The following BMPR1B variants were observed in gnomAD, a reference collection of about 807,000 sequenced individuals.
BMPR1B encodes bone morphogenetic protein receptor type 1B, also known as bone morphogenetic protein receptor type-1B.
In BMPR1B, 12 loss-of-function variants were observed where a neutral mutation model predicts 59.1. The observed-to-expected ratio is 0.20, with a 90% CI of 0.13 to 0.33. The LOEUF (loss-of-function observed/expected upper bound fraction) is 0.33. BMPR1B is among the 10% of genes least tolerant of loss of function. The pLI is 1.00. For synonymous variants in BMPR1B, 237 were observed against 207.3 expected, an observed-to-expected ratio of 1.14 and a Z score of -1.23; for missense variants, 550 against 610.9, an observed-to-expected ratio of 0.90 and a Z score of 1.05.
In BMPR1B at chr4:95,152,756, C is replaced by T. The variant is rs780280883; in HGVS notation, c.1366C>T (p.Arg456Trp). 161 of 1,611,746 alleles carry T rather than the reference C, an allele frequency of 1.0e-4. No individual in the cohort carries two copies. Among genetic ancestry groups the T allele is most frequent in the South Asian group, 3.4e-4 (31 of 90,346 alleles). ...IKKLRPSFPN[R>W]WSSDECLRQM... ...GAAGTTACGCCCCTCATTCCCAAAC[C>T]GGTGGAGCAGTGATGAGGTAAGGCT... is the stretch of plus-strand genomic sequence containing the variant. Residue 456 changes from arginine to tryptophan, a missense_variant, in exon 12 of 13, where the codon CGG (arginine) becomes TGG (tryptophan). Arg to Trp is a moderately radical substitution (Grantham distance 101). Around this residue, in one of 6 missense-constraint regions of BMPR1B, gnomAD observed 123 missense variants for 164.6 expected, o/e 0.75. Transcript: ENST00000515059.
rs543984616 is a variant in BMPR1B, at chr4:95,040,144, C to T, written c.-18+44010C>T. The stretch of plus-strand genomic sequence containing the variant: ...TGGTATACAAGAACAAAATTTTTCT[C>T]TACTATTAGTATCTTCTCTTCTAAG... On this transcript the variant is annotated intron_variant, in intron 3 of 12. Transcript: ENST00000515059. Among the ~76,000 whole-genome samples the T allele has an allele frequency of 2.6e-5, 4 of 152,150 alleles. No individual in the cohort carries two copies. The East Asian group carries it at 5.8e-4, about 22-fold the overall frequency.
intron 3 of BMPR1B, among the ~76,000 whole-genome samples, chr4:95,017,052 T>A (rs1355893132): frequency 6.6e-6 from 1 of 152,212 alleles, no homozygotes; most frequent in Non-Finnish European, 1.5e-5. Context: ...TTGTTTTTCC[T>A]TCTATGAGTG....
chr4:94,836,628 G>C (rs1178802211), intron 1 of BMPR1B, among the ~76,000 whole-genome samples: 1 of 146,288 alleles, frequency 6.8e-6, no homozygotes, highest in Non-Finnish European at 1.5e-5. Context: ...TTGTAAATTT[G>C]TTTGAGTTCA....
chr4:95,034,703 A>G (rs1345308454), intron 3 of BMPR1B, among the ~76,000 whole-genome samples: 2 of 151,658 alleles, frequency 1.3e-5, no homozygotes, highest in African/African-American at 4.8e-5. Flanking sequence ...CTGGTTTTAT[A>G]TTTTTGCAAC....
chr4:94,766,971 C>T (rs1221188972), intron 1 of BMPR1B, among the ~76,000 whole-genome samples: 3 of 151,984 alleles, frequency 2.0e-5, no homozygotes, highest in South Asian at 4.1e-4. Flanking sequence ...TAAGTATTCT[C>T]GGAAATTGGA....
chr4:95,131,156 T>A, intron 9 of BMPR1B, 59 bp from the exon 10 acceptor site: 1 of 1,502,022 alleles, frequency 6.7e-7, no homozygotes, highest in Non-Finnish European at 9.2e-7. Flanking sequence ...TTTGAGAATA[T>A]GAATTATTCC....
intron 1 of BMPR1B, among the ~76,000 whole-genome samples, chr4:94,854,539 T>G (rs569454642): frequency 1.3e-5 from 2 of 152,176 alleles, no homozygotes; most frequent in South Asian, 2.1e-4. Context: ...TGTTGCCTTC[T>G]TGGAATTCAG....
intron 2 of BMPR1B, among the ~76,000 whole-genome samples, chr4:94,915,256 A>T (rs966768285): frequency 2.6e-5 from 4 of 151,938 alleles, no homozygotes; most frequent in Admixed American, 2.6e-4. Context: ...CTGCCCTTAC[A>T]TTTTTTTCTT....
At chr4:95,039,620 C>G (rs550300550) in intron 3 of BMPR1B, among the ~76,000 whole-genome samples, 1 of 152,172 alleles carries the variant, frequency 6.6e-6, no homozygotes, top group Admixed American at 6.5e-5. Flanking sequence ...AGGGAAGATA[C>G]GGAAATATGT....
At chr4:95,034,618 T>C (rs1488685693) in intron 3 of BMPR1B, among the ~76,000 whole-genome samples, 6 of 150,938 alleles carry the variant, frequency 4.0e-5, no homozygotes, top group Non-Finnish European at 8.8e-5. Flanking sequence ...TTCATTTTTT[T>C]ATGGCTTAGT....
chr4:94,765,244 T>C (rs996953856), intron 1 of BMPR1B, among the ~76,000 whole-genome samples: 10 of 152,220 alleles, frequency 6.6e-5, no homozygotes, highest in Non-Finnish European at 1.5e-4. Context: ...TATGTGTGTG[T>C]GTATCCCTTA....
intron 2 of BMPR1B, among the ~76,000 whole-genome samples, chr4:94,915,406 G>C (rs996267462): frequency 2.0e-5 from 3 of 152,094 alleles, no homozygotes; most frequent in East Asian, 1.9e-4. Flanking sequence ...CACTCTCTCT[G>C]AACCAATTCT....
intron 1 of BMPR1B, among the ~76,000 whole-genome samples, chr4:94,796,784 A>G (rs909199507): frequency 5.3e-5 from 8 of 152,196 alleles, no homozygotes; most frequent in Admixed American, 1.3e-4. Context: ...ATGTCATTCA[A>G]AATTGTTGTG....
intron 2 of BMPR1B, among the ~76,000 whole-genome samples, chr4:94,887,035 G>A (rs1727195520): frequency 1.3e-5 from 2 of 152,006 alleles, no homozygotes; most frequent in South Asian, 4.1e-4. Flanking sequence ...TCAGGGAGGG[G>A]ATAAAAGGTA....
chr4:94,980,146 T>C (rs1276117453), intron 2 of BMPR1B, among the ~76,000 whole-genome samples: 1 of 152,196 alleles, frequency 6.6e-6, no homozygotes, highest in Non-Finnish European at 1.5e-5. Context: ...CTGCAATTAT[T>C]ACTGTACCTA....
At chr4:94,832,782 C>CA (rs528939227) in intron 1 of BMPR1B, among the ~76,000 whole-genome samples, 96 of 150,844 alleles carry the variant, frequency 6.4e-4, no homozygotes, top group Admixed American at 1.4e-3. Context: ...TGCTCCGTCT[C>CA]AAAAAAAATA....
intron 3 of BMPR1B, among the ~76,000 whole-genome samples, chr4:95,031,441 G>T (rs1724847252): frequency 6.6e-6 from 1 of 152,044 alleles, no homozygotes; most frequent in African/African-American, 2.4e-5. Flanking sequence ...GAATATTATG[G>T]ATGGATTGCA....
At chr4:94,889,880 T>G (rs1727321305) in intron 2 of BMPR1B, among the ~76,000 whole-genome samples, 1 of 151,968 alleles carries the variant, frequency 6.6e-6, no homozygotes, top group Admixed American at 6.6e-5. Flanking sequence ...ACACCAAATT[T>G]GTCTGTAGCT....
At chr4:94,914,945 C>T (rs1259559634) in intron 2 of BMPR1B, among the ~76,000 whole-genome samples, 1 of 152,082 alleles carries the variant, frequency 6.6e-6, no homozygotes, top group East Asian at 1.9e-4. Flanking sequence ...ATATGAAACT[C>T]ACTTGTTATG....
Sources: gnomAD v4.1 joint callset for allele counts (sites outside exome capture counted in the v4.1 genomes callset) on GRCh38, gnomAD v4.1.1 for gene constraint, gnomAD v4.1.1 regional missense constraint, MANE v1.5 for transcripts, NCBI Gene and HGNC (gene_info 2026-07-23, HGNC 2026-07-21) for gene names.